Variants in MAS1 observed in about 807,000 individuals in gnomAD.
MAS1 encodes proto-oncogene Mas.
For missense variants in MAS1, 387 were observed against 409.7 expected, an observed-to-expected ratio of 0.94 and a Z score of 0.48; for synonymous variants, 163 against 164.2, an observed-to-expected ratio of 0.99 and a Z score of 0.05.
chr6:159,901,152 A>G (rs574026156), intron 2 of MAS1, among the ~76,000 whole-genome samples: 1 of 152,274 alleles, frequency 6.6e-6, no homozygotes, highest in African/African-American at 2.4e-5. Context: ...TCTTACAAGG[A>G]CACCACTTCT....
chr6:159,893,632 G>C (rs1782724656), intron 1 of MAS1, among the ~76,000 whole-genome samples: 1 of 152,028 alleles, frequency 6.6e-6, no homozygotes, highest in Non-Finnish European at 1.5e-5. Flanking sequence ...TGGAGATATT[G>C]GTGTCAATTT....
At chr6:159,904,411 C>G (rs1004230082) in intron 2 of MAS1, among the ~76,000 whole-genome samples, 2 of 152,168 alleles carry the variant, frequency 1.3e-5, no homozygotes, top group African/African-American at 4.8e-5. Flanking sequence ...CCCTGCTAAC[C>G]CGCTTCACCT....
In MAS1 at chr6:159,907,943, G is replaced by C. The variant is rs771974481; in HGVS notation, c.*10G>C. Reference sequence around the variant, plus strand: ...TGAGACTGTCGTCTAAGAACTGTGAGGGAAGTTGTGGATAAAAATGGTGGA... The same window carrying C: ...TGAGACTGTCGTCTAAGAACTGTGACGGAAGTTGTGGATAAAAATGGTGGA... On this transcript the variant is annotated 3_prime_UTR_variant, in exon 3 of 3. Coordinates refer to ENST00000674077, the MANE Select transcript of MAS1 (RefSeq NM_002377.4). 1.1e-5 allele frequency: 18 copies of C among 1,566,644 alleles called. No individual in the cohort carries two copies. Among genetic ancestry groups the C allele is most frequent in the African/African-American group, 1.4e-5 (1 of 72,190 alleles).
At position 159,908,200 on chromosome 6, in the gene MAS1, G is replaced by T. The variant is rs895589647; in HGVS notation, c.*267G>T. On this transcript the variant is annotated 3_prime_UTR_variant, in exon 3 of 3. Transcript: ENST00000674077. The stretch of plus-strand genomic sequence containing the variant: ...ACCATAAAAATGACTTTTGCAGGAA[G>T]ATTTACAGATGTGTACGGGACAAGG... The T allele has an allele frequency of 1.7e-4, 52 of 306,650 alleles. No individual in the cohort carries two copies. Among genetic ancestry groups the T allele is most frequent in the Non-Finnish European group, 3.1e-4 (52 of 166,074 alleles). The allele number at this position is 306,650 out of a possible 1,614,324, so 19.0% of individuals were successfully genotyped here.
rs1330219222 is a variant in MAS1 at position 159,911,057 on chromosome 6, C to T, written c.*3124C>T. The T allele has an allele frequency of 1.3e-5, 2 of 152,186 alleles. No individual in the cohort carries two copies. The highest frequency in any genetic ancestry group is 2.9e-5 in the Non-Finnish European group (2 of 68,050). The allele number at this position is 152,186 out of a possible 1,614,324, so 9.4% of individuals were successfully genotyped here. A position where few individuals can be genotyped will look rare whatever the true frequency, so the allele number is the denominator to read the frequency against. On this transcript the variant is annotated 3_prime_UTR_variant, in exon 3 of 3. Transcript: ENST00000674077. Reference sequence around the variant, plus strand: ...TGGAATCTTCTCACTTCTTTCCTCCCTCTTCTACTGCTCCTCCCTTAAATG... The same window carrying T: ...TGGAATCTTCTCACTTCTTTCCTCCTTCTTCTACTGCTCCTCCCTTAAATG...
rs1435912906 is a variant in MAS1, at chr6:159,911,274, T to C, written c.*3341T>C. The C allele has an allele frequency of 6.6e-6, 1 of 152,578 alleles. No homozygotes were observed. The allele number at this position is 152,578 out of a possible 1,614,324, so 9.5% of individuals were successfully genotyped here. ...ACTTTTTGACCCAATGTCCTGCAGG[T>C]GCTTGTAACCCATTCATTTCCCCAC... On this transcript the variant is annotated 3_prime_UTR_variant, in exon 3 of 3. Transcript: ENST00000674077.
At chr6:159,904,647 G>T (rs1205609417) in intron 2 of MAS1, among the ~76,000 whole-genome samples, 1 of 152,098 alleles carries the variant, frequency 6.6e-6, no homozygotes, top group African/African-American at 2.4e-5. Context: ...GAACACAGGG[G>T]CCATACCGAG....
rs1456972689 is a variant in MAS1 at position 159,909,592 on chromosome 6, T to A, written c.*1659T>A. On this transcript the variant is annotated 3_prime_UTR_variant, in exon 3 of 3. Transcript: ENST00000674077. ...TGTGGAGCAATGACATTTAGAATGA[T>A]CTTGTTTTTGGTTGAAAACAGAGCA... is the stretch of plus-strand genomic sequence containing the variant. 6.6e-6 allele frequency: 1 copy of A among 152,192 alleles called. No homozygotes were observed. The highest frequency in any genetic ancestry group is 1.5e-5 in the Non-Finnish European group (1 of 68,040). The allele number at this position is 152,192 out of a possible 1,614,324, so 9.4% of individuals were successfully genotyped here.
intron 2 of MAS1, among the ~76,000 whole-genome samples, chr6:159,906,108 A>G (rs1782882781): frequency 1.3e-5 from 2 of 152,178 alleles, no homozygotes; most frequent in Admixed American, 6.5e-5. Context: ...ACAATGTTTT[A>G]CTACATACAC....
intron 1 of MAS1, among the ~76,000 whole-genome samples, chr6:159,895,971 A>C (rs559411534): frequency 2.6e-4 from 40 of 152,352 alleles, no homozygotes; most frequent in Admixed American, 2.6e-4. Flanking sequence ...GCGGTGAAAA[A>C]TCAGCAGCAA....
At chr6:159,904,688 C>A (rs1312441824) in intron 2 of MAS1, among the ~76,000 whole-genome samples, 1 of 152,142 alleles carries the variant, frequency 6.6e-6, no homozygotes, top group East Asian at 1.9e-4. Context: ...CCAAGTTAAC[C>A]ACATTCCTCC....
chr6:159,905,644 C>T (rs1196211980), intron 2 of MAS1, among the ~76,000 whole-genome samples: 1 of 152,184 alleles, frequency 6.6e-6, no homozygotes, highest in East Asian at 1.9e-4. Flanking sequence ...CTAGAAATGT[C>T]TAATATCACC....
chr6:159,906,329 G>A (rs1268180476), intron 2 of MAS1, among the ~76,000 whole-genome samples: 2 of 152,044 alleles, frequency 1.3e-5, no homozygotes, highest in East Asian at 3.8e-4. Flanking sequence ...TATTGAAGCC[G>A]TGTAAAATAA....
rs1303289745 is a variant in MAS1, at chr6:159,916,429, T to C, written c.*8496T>C. On this transcript the variant is annotated 3_prime_UTR_variant, in exon 3 of 3. Coordinates refer to ENST00000674077, the MANE Select transcript of MAS1 (RefSeq NM_002377.4). ...GTTCTGGGGATCTATTGCACAACAA[T>C]GGACATGTAGCTAACCCCACTGTAC... 1.3e-5 allele frequency: 2 copies of C among 152,194 alleles called. No individual in the cohort carries two copies. The highest frequency in any genetic ancestry group is 1.9e-4 in the East Asian group (1 of 5,198). The allele number at this position is 152,194 out of a possible 1,614,324, so 9.4% of individuals were successfully genotyped here. A position where few individuals can be genotyped will look rare whatever the true frequency, so the allele number is the denominator to read the frequency against.
intron 2 of MAS1, among the ~76,000 whole-genome samples, chr6:159,904,393 T>G (rs1303181700): frequency 6.6e-6 from 1 of 152,058 alleles, no homozygotes; most frequent in Middle Eastern, 3.2e-3. Context: ...CTTCTCGAAC[T>G]CCACAGGCCC....
chr6:159,895,940 G>A (rs1474212164), intron 1 of MAS1, among the ~76,000 whole-genome samples: 1 of 152,168 alleles, frequency 6.6e-6, no homozygotes, highest in South Asian at 2.1e-4. Flanking sequence ...AATTCATTAC[G>A]GTGCTTTGTT....
Position 159,906,951 on chromosome 6 carries a change from T to A in MAS1, c.-5T>A, listed in dbSNP as rs760496314. 6.3e-7 allele frequency: 1 copy of A among 1,589,206 alleles called. No homozygotes were observed. Among genetic ancestry groups the A allele is most frequent in the South Asian group, 1.1e-5 (1 of 89,430 alleles). ...ACCTGAAGAGTTCCAACCTGAGGCC[T>A]CCTCATGGATGGGTCAAACGTGACA... On this transcript the variant is annotated 5_prime_UTR_variant, in exon 3 of 3. Coordinates refer to ENST00000674077, the MANE Select transcript of MAS1 (RefSeq NM_002377.4).
intron 1 of MAS1, among the ~76,000 whole-genome samples, chr6:159,893,528 T>C (rs891990882): frequency 1.3e-5 from 2 of 151,994 alleles, no homozygotes; most frequent in African/African-American, 4.8e-5. Flanking sequence ...AGTAAATGCA[T>C]AGAGGGCCAA....
At chr6:159,889,298 AT>A (rs2115103680), upstream of MAS1, among the ~76,000 whole-genome samples, 1 of 152,348 alleles carries the variant, frequency 6.6e-6, no homozygotes, top group Admixed American at 6.5e-5. Context: ...GTTGACTTAC[AT>A]AATGACGTTG....
Sources: gnomAD v4.1 joint callset for allele counts (sites outside exome capture counted in the v4.1 genomes callset) on GRCh38, gnomAD v4.1.1 for gene constraint, MANE v1.5 for transcripts, NCBI Gene and HGNC (gene_info 2026-07-23, HGNC 2026-07-21) for gene names.